The following ANK2 variants were observed in gnomAD, a reference collection of about 807,000 sequenced individuals.
ANK2 encodes ankyrin 2.
ANK2 carries 83 observed loss-of-function variants against 360.5 expected under a neutral mutation model. The ratio of observed to expected loss-of-function variants is 0.23; its 90% CI spans 0.19 to 0.28. ANK2 has a LOEUF of 0.28. Ranked by LOEUF, ANK2 falls within the 10% of genes least tolerant of loss-of-function variation. The pLI is 1.00. For missense variants in ANK2, 4,201 were observed against 4,795.7 expected (o/e 0.88, Z 3.66); for synonymous variants, 1,740 against 1,759.5 (o/e 0.99, Z 0.28).
chr4:112,986,766 A>G (rs2045015734), intron 2 of ANK2, among the ~76,000 whole-genome samples: 1 of 152,240 alleles, frequency 6.6e-6, no homozygotes, highest in South Asian at 2.1e-4. Context: ...GAGAAATAGC[A>G]TAATAGGTAA....
At chr4:113,362,071 T>G (rs995896011) in intron 39 of ANK2, among the ~76,000 whole-genome samples, 1 of 152,156 alleles carries the variant, frequency 6.6e-6, no homozygotes, top group Non-Finnish European at 1.5e-5. Flanking sequence ...GTAAGAAAAG[T>G]TTTACTGAAT....
At chr4:112,864,308 GATTTTT>G (rs2069349400) in intron 1 of ANK2, among the ~76,000 whole-genome samples, 1 of 152,100 alleles carries the variant, frequency 6.6e-6, no homozygotes, top group African/African-American at 2.4e-5. Context: ...AAATGGTAAG[GATTTTT>G]ATTTTTATTT....
chr4:113,237,304 C>T lies in ANK2; in HGVS notation c.669+132C>T, dbSNP rs1433377152. Reference sequence around the variant, plus strand: ...GTCATAAAAAGAGATAAATGACTTTCAGAGGTATTTCAGAAAGAAGGGGAC... The same window carrying T: ...GTCATAAAAAGAGATAAATGACTTTTAGAGGTATTTCAGAAAGAAGGGGAC... On this transcript the variant is annotated intron_variant, in intron 6 of 45. Coordinates refer to ENST00000357077, the MANE Select transcript of ANK2 (RefSeq NM_001148.6). The T allele has an allele frequency of 2.6e-6, 3 of 1,164,644 alleles. No homozygotes were observed. The African/African-American group carries it at 4.6e-5, about 18-fold the overall frequency. The allele number at this position is 1,164,644 out of a possible 1,614,324, so 72.1% of individuals were successfully genotyped here.
chr4:112,846,694 T>C (rs2063388802), intron 1 of ANK2, among the ~76,000 whole-genome samples: 1 of 152,190 alleles, frequency 6.6e-6, no homozygotes, highest in African/African-American at 2.4e-5. Flanking sequence ...GTTTCTTTTC[T>C]TCTTTTCCTG....
intron 1 of ANK2, among the ~76,000 whole-genome samples, chr4:113,101,821 C>T (rs1409945866): frequency 6.6e-6 from 1 of 151,990 alleles, no homozygotes; most frequent in East Asian, 1.9e-4. Context: ...CTTCTATGAC[C>T]AAGTTATACT....
chr4:113,044,023 G>A (rs1455388794), intron 2 of ANK2, among the ~76,000 whole-genome samples: 1 of 152,040 alleles, frequency 6.6e-6, no homozygotes, highest in Non-Finnish European at 1.5e-5. Context: ...ACAGGACATA[G>A]GATCAATTTT....
intron 2 of ANK2, among the ~76,000 whole-genome samples, chr4:112,965,235 CA>C (rs1277807415): frequency 6.6e-6 from 1 of 152,140 alleles, no homozygotes; most frequent in Non-Finnish European, 1.5e-5. Context: ...TTTCGATTTG[CA>C]TTTCTCTGAT....
intron 2 of ANK2, among the ~76,000 whole-genome samples, chr4:112,909,640 A>G (rs987177586): frequency 1.3e-5 from 2 of 152,248 alleles, no homozygotes; most frequent in African/African-American, 2.4e-5. Flanking sequence ...AAAACTCAAT[A>G]AACCAAAGTA....
chr4:113,320,071 G>A (rs1178774990), intron 26 of ANK2, among the ~76,000 whole-genome samples: 1 of 152,050 alleles, frequency 6.6e-6, no homozygotes, highest in African/African-American at 2.4e-5. Flanking sequence ...TTTGAAAAAG[G>A]AACTTTTAAA....
intron 2 of ANK2, among the ~76,000 whole-genome samples, chr4:112,997,796 A>G (rs561844618): frequency 5.2e-4 from 77 of 149,202 alleles, no homozygotes; most frequent in African/African-American, 2.0e-3. Context: ...TGACTTAAAC[A>G]TATATACACA....
chr4:112,735,559 A>G, the ANK2 span, among the ~76,000 whole-genome samples: 13 of 152,076 alleles, frequency 8.5e-5, no homozygotes, highest in African/African-American at 2.9e-4. Context: ...TCTTCCCACA[A>G]GGGGGCTTTC....
chr4:113,369,736 A>G lies in ANK2; in HGVS notation c.11541A>G (p.Val3847=), dbSNP rs2154067013. The change falls in exon 43 of 46, where the codon GTA becomes GTG. Residue 3847 remains valine, a synonymous_variant. Transcript: ENST00000357077. The stretch of plus-strand genomic sequence containing the variant: ...GCTCTCCGCGGAAAACCAGCCTCGT[A>G]ATAGTGGAGTCTGCCGATAACCAGC... The part of the protein sequence containing the change: ...EESSPRKTSL[V]IVESADNQPE... 6.2e-7 allele frequency: 1 copy of G among 1,614,160 alleles called. No individual in the cohort carries two copies. The highest frequency in any genetic ancestry group is 8.5e-7 in the Non-Finnish European group (1 of 1,180,012).
At chr4:113,318,110 G>T (rs2083903401) in intron 25 of ANK2, among the ~76,000 whole-genome samples, 1 of 152,202 alleles carries the variant, frequency 6.6e-6, no homozygotes, top group Non-Finnish European at 1.5e-5. Flanking sequence ...AAAGGAAAAA[G>T]TGAAGTAGGA....
chr4:113,002,025 T>A (rs1466398504), intron 2 of ANK2, among the ~76,000 whole-genome samples: 1 of 146,372 alleles, frequency 6.8e-6, no homozygotes, highest in African/African-American at 2.5e-5. Flanking sequence ...TTTATTTATT[T>A]TTATTATTAT....
At chr4:113,367,883 A>G in intron 42 of ANK2, 32 bp downstream of exon 42, 1 of 1,613,210 alleles carries the variant, frequency 6.2e-7, no homozygotes, top group Non-Finnish European at 8.5e-7. Flanking sequence ...GTCAAATGTA[A>G]TACCAAAGAA....
chr4:113,261,015 G>A (rs2052553569), intron 13 of ANK2, among the ~76,000 whole-genome samples: 1 of 152,182 alleles, frequency 6.6e-6, no homozygotes, highest in African/African-American at 2.4e-5. Flanking sequence ...CGCCCAAAGT[G>A]GAAGTCAATG....
Position 113,268,225 on chromosome 4 carries a change from A to G in ANK2, c.1485+3230A>G, listed in dbSNP as rs145188325. 7.8e-4 allele frequency among the ~76,000 whole-genome samples: 118 copies of G among 152,242 alleles called. 1 individual carries two copies. In the East Asian group the frequency reaches 0.019, roughly 24 times the overall value. ...AGACAATTTGACTTCCTCTCTTCCT[A>G]TTTGAATACCCTTTATTTCCTCCCC... On this transcript the variant is annotated intron_variant, in intron 14 of 45. Transcript: ENST00000357077.
At chr4:113,340,878 A>G (rs1248106151) in intron 32 of ANK2, among the ~76,000 whole-genome samples, 1 of 151,948 alleles carries the variant, frequency 6.6e-6, no homozygotes, top group African/African-American at 2.4e-5. Context: ...ACAAACAAAA[A>G]AAACAAACCC....
rs2098964107 is a variant in ANK2, at chr4:113,207,344, T to A, written c.384+8235T>A. On this transcript the variant is annotated intron_variant, in intron 4 of 45. Coordinates refer to ENST00000357077, the MANE Select transcript of ANK2 (RefSeq NM_001148.6). ...TAAAATCTTCGGTAGATGTCTCATT[T>A]ATTTATCACTACACAGGCCTATCCA... Among the ~76,000 whole-genome samples, 5 of 152,242 alleles carry A rather than the reference T, an allele frequency of 3.3e-5. 1 individual carries two copies. The South Asian group carries it at 1.0e-3, about 31-fold the overall frequency.
Sources: gnomAD v4.1 joint callset for allele counts (sites outside exome capture counted in the v4.1 genomes callset) on GRCh38, gnomAD v4.1.1 for gene constraint, MANE v1.5 for transcripts, NCBI Gene and HGNC (gene_info 2026-07-23, HGNC 2026-07-21) for gene names.